The following MAP3K5 variants were observed in gnomAD, a reference collection of about 807,000 sequenced individuals.
The protein encoded by MAP3K5 is ASK-1.
A neutral mutation model predicts 158.7 loss-of-function variants in MAP3K5; 56 were observed. The observed-to-expected ratio is 0.35, with a 90% CI of 0.28 to 0.44. The LOEUF (loss-of-function observed/expected upper bound fraction) is 0.44. MAP3K5 is among the 20% of genes least tolerant of loss of function. The pLI is 1.00. For missense variants in MAP3K5, 1,294 were observed against 1,674.8 expected, an observed-to-expected ratio of 0.77 and a Z score of 3.97; for synonymous variants, 579 against 601.7, an observed-to-expected ratio of 0.96 and a Z score of 0.55.
At chr6:136,730,978 A>G (rs148955200) in intron 1 of MAP3K5, among the ~76,000 whole-genome samples, 1 of 152,376 alleles carries the variant, frequency 6.6e-6, no homozygotes, top group Non-Finnish European at 1.5e-5. Context: ...ACTATACAGT[A>G]ATGAGCATGA....
chr6:136,614,172 C>T lies in MAP3K5; in HGVS notation c.2265G>A (p.Glu755=). The T allele has an allele frequency of 1.2e-6, 2 of 1,613,544 alleles. No individual in the cohort carries two copies. Among genetic ancestry groups the T allele is most frequent in the Non-Finnish European group, 1.7e-6 (2 of 1,179,682 alleles). The change falls in exon 16 of 30, where the codon GAG becomes GAA. Residue 755 remains glutamate (E), a synonymous_variant. Coordinates refer to ENST00000359015, the MANE Select transcript of MAP3K5 (RefSeq NM_005923.4). ...AATATCTCTTACCTCCAGGGACCTG[C>T]TCCATGAAGATTTTAATGAAACCAT... ...SENGFIKIFM[E]QVPGGSLSAL...
intron 1 of MAP3K5, among the ~76,000 whole-genome samples, chr6:136,734,720 TG>T (rs1271491741): frequency 6.6e-6 from 1 of 152,216 alleles, no homozygotes; most frequent in Non-Finnish European, 1.5e-5. Context: ...CTATGTCATT[TG>T]TTTTTTTGGT....
At chr6:136,747,822 T>C (rs1783026931) in intron 1 of MAP3K5, among the ~76,000 whole-genome samples, 1 of 152,066 alleles carries the variant, frequency 6.6e-6, no homozygotes. Flanking sequence ...GTAGCAAGGG[T>C]GTAGACTATT....
intron 25 of MAP3K5, among the ~76,000 whole-genome samples, chr6:136,569,157 T>A (rs1043664181): frequency 2.6e-5 from 4 of 152,132 alleles, no homozygotes; most frequent in Non-Finnish European, 5.9e-5. Context: ...TAGTATAGCA[T>A]CCCATGACAA....
At chr6:136,784,906 TTCTC>T (rs1393781944) in intron 1 of MAP3K5, among the ~76,000 whole-genome samples, 4 of 152,008 alleles carry the variant, frequency 2.6e-5, no homozygotes, top group Non-Finnish European at 4.4e-5. Flanking sequence ...CTGTCTCTCT[TTCTC>T]TCTCTCGATT....
At chr6:136,668,168 C>A (rs1332379658) in intron 8 of MAP3K5, among the ~76,000 whole-genome samples, 1 of 151,148 alleles carries the variant, frequency 6.6e-6, no homozygotes, top group Non-Finnish European at 1.5e-5. Context: ...CTGCTTGAAG[C>A]CAGGAGTTCA....
At chr6:136,586,154 A>T (rs1775131009) in intron 23 of MAP3K5, among the ~76,000 whole-genome samples, 1 of 152,238 alleles carries the variant, frequency 6.6e-6, no homozygotes, top group African/African-American at 2.4e-5. Context: ...AACCATTATA[A>T]ACTTTGTTGG....
At chr6:136,772,629 G>A (rs574302868) in intron 1 of MAP3K5, among the ~76,000 whole-genome samples, 3 of 152,262 alleles carry the variant, frequency 2.0e-5, no homozygotes, top group African/African-American at 7.2e-5. Flanking sequence ...GGAAGCTTAA[G>A]ATGAAGAAAA....
rs188569034 is a variant in MAP3K5 at position 136,663,123 on chromosome 6, G to A, written c.1367-3745C>T. Among the ~76,000 whole-genome samples the A allele has an allele frequency of 5.9e-5, 9 of 152,022 alleles. 1 individual carries two copies. In the East Asian group the frequency reaches 1.6e-3, roughly 26 times the overall value. On this transcript the variant is annotated intron_variant, in intron 8 of 29. Transcript: ENST00000359015. ...ACTCTCTCAATCCATACACCACCACGATGAGTTAGAGATTATCTCCCTTTT... is the reference window on the plus strand; with the variant it reads ...ACTCTCTCAATCCATACACCACCACAATGAGTTAGAGATTATCTCCCTTTT...
At chr6:136,743,668 C>T (rs1782810526) in intron 1 of MAP3K5, among the ~76,000 whole-genome samples, 1 of 152,140 alleles carries the variant, frequency 6.6e-6, no homozygotes, top group Non-Finnish European at 1.5e-5. Flanking sequence ...CTATACAACC[C>T]ACCATTTGCA....
At chr6:136,699,139 GCT>G (rs1008066604) in intron 3 of MAP3K5, among the ~76,000 whole-genome samples, 5 of 152,100 alleles carry the variant, frequency 3.3e-5, no homozygotes, top group African/African-American at 1.2e-4. Context: ...CCGGGAGGCT[GCT>G]CTCTCTCTGT....
intron 25 of MAP3K5, among the ~76,000 whole-genome samples, chr6:136,577,437 T>C (rs184285569): frequency 6.6e-6 from 1 of 152,364 alleles, no homozygotes; most frequent in East Asian, 1.9e-4. Flanking sequence ...ATAAATGTTT[T>C]CAAACAGTAA....
intron 1 of MAP3K5, 51 bp from the exon 2 acceptor site, chr6:136,720,640 A>G: frequency 7.0e-7 from 1 of 1,428,618 alleles, no homozygotes; most frequent in South Asian, 1.3e-5. Context: ...AATAATGCCC[A>G]ATCAGCACAT....
chr6:136,790,294 A>C (rs181509912), intron 1 of MAP3K5, among the ~76,000 whole-genome samples: 13 of 152,234 alleles, frequency 8.5e-5, no homozygotes, highest in Non-Finnish European at 1.5e-4. Flanking sequence ...CCTAGGAAAA[A>C]AACGCCCAAT....
chr6:136,563,587 C>T (rs1167257891), intron 26 of MAP3K5, among the ~76,000 whole-genome samples: 1 of 152,082 alleles, frequency 6.6e-6, no homozygotes, highest in Non-Finnish European at 1.5e-5. Context: ...TAGTTGGCAT[C>T]TGATGCAGTC....
chr6:136,618,811 G>A (rs1776678512), intron 15 of MAP3K5, among the ~76,000 whole-genome samples: 1 of 152,186 alleles, frequency 6.6e-6, no homozygotes, highest in African/African-American at 2.4e-5. Context: ...AGGAAACTCT[G>A]GAACGACACC....
At chr6:136,694,435 G>T in intron 6 of MAP3K5, 125 bp from the exon 7 acceptor site, 3 of 744,096 alleles carry the variant, frequency 4.0e-6, no homozygotes, top group Non-Finnish European at 6.3e-6. Context: ...GAAACAATTA[G>T]ATTTTGAGAG....
At chr6:136,588,747 G>C (rs73556228) in intron 23 of MAP3K5, among the ~76,000 whole-genome samples, 1 of 152,108 alleles carries the variant, frequency 6.6e-6, no homozygotes, top group Non-Finnish European at 1.5e-5. Context: ...AATGATCACC[G>C]TGAGCCAAAG....
At chr6:136,674,483 G>A (rs1233339214) in intron 7 of MAP3K5, among the ~76,000 whole-genome samples, 3 of 151,846 alleles carry the variant, frequency 2.0e-5, no homozygotes, top group East Asian at 3.8e-4. Context: ...GCTAATGTAG[G>A]AGAAAATGTA....
Sources: allele counts gnomAD v4.1 joint callset (sites outside exome capture counted in the v4.1 genomes callset), GRCh38; gene constraint gnomAD v4.1.1; transcripts MANE v1.5; gene names NCBI Gene and HGNC (gene_info 2026-07-23, HGNC 2026-07-21).